DLG1: variants seen among roughly 807,000 people sequenced by gnomAD.
DLG1 encodes discs large MAGUK scaffold protein 1.
In DLG1, 42 loss-of-function variants were observed where a neutral mutation model predicts 123.4. The observed-to-expected ratio is 0.34, with a 90% CI of 0.27 to 0.44. The LOEUF is 0.44. Ranked by LOEUF, DLG1 falls within the 20% of genes least tolerant of loss-of-function variation. The pLI, the probability that DLG1 is intolerant of heterozygous loss-of-function variation, is 1.00. For missense variants in DLG1, 942 were observed against 1,082.6 expected (o/e 0.87, Z 1.82); for synonymous variants, 317 against 356.2 (o/e 0.89, Z 1.24).
At chr3:197,242,247 T>C (rs1749289686) in intron 4 of DLG1, among the ~76,000 whole-genome samples, 1 of 151,790 alleles carries the variant, frequency 6.6e-6, no homozygotes, top group Non-Finnish European at 1.5e-5. Context: ...AGCAAGAGGA[T>C]ATAACAATTA....
chr3:197,296,586 A>T (rs1777452404), intron 2 of DLG1, 109 bp from the exon 3 acceptor site: 1 of 945,660 alleles, frequency 1.1e-6, no homozygotes, highest in South Asian at 1.5e-5. Context: ...CAAATCCTTC[A>T]GGTCAATTGA....
chr3:197,218,793 T>G (rs137882195), intron 4 of DLG1, among the ~76,000 whole-genome samples: 5 of 152,312 alleles, frequency 3.3e-5, no homozygotes, highest in African/African-American at 1.2e-4. Flanking sequence ...AGACCTATAT[T>G]AATTCAAACA....
At chr3:197,098,330 C>T (rs1244501486) in intron 14 of DLG1, among the ~76,000 whole-genome samples, 1 of 152,122 alleles carries the variant, frequency 6.6e-6, no homozygotes, top group African/African-American at 2.4e-5. Context: ...AATTTAAAAG[C>T]TTTCTGTGTA....
Position 197,264,007 on chromosome 3 carries a change from T to C in DLG1, c.318+18672A>G, listed in dbSNP as rs146273780. Among the ~76,000 whole-genome samples the C allele has an allele frequency of 2.5e-3, 381 of 152,316 alleles. 2 individuals are homozygous for C. The highest frequency in any genetic ancestry group is 8.9e-3 in the African/African-American group (371 of 41,574). On this transcript the variant is annotated intron_variant, in intron 4 of 24. Coordinates refer to ENST00000667157, the MANE Select transcript of DLG1 (RefSeq NM_001366207.1). ...AAAAATAGAAGTTTGCCAACTCAAT[T>C]ACAAACCTGTAAGAATAAGATGAAA...
At chr3:197,251,866 G>A (rs1754601291) in intron 4 of DLG1, among the ~76,000 whole-genome samples, 1 of 152,140 alleles carries the variant, frequency 6.6e-6, no homozygotes, top group Admixed American at 6.5e-5. Flanking sequence ...TTTAAAATGG[G>A]CAAATGATCT....
intron 5 of DLG1, among the ~76,000 whole-genome samples, chr3:197,168,771 T>TA (rs1802631728): frequency 6.6e-6 from 1 of 152,080 alleles, no homozygotes; most frequent in African/African-American, 2.4e-5. Context: ...GTTGTTGTTT[T>TA]AAAAAAAATC....
intron 5 of DLG1, among the ~76,000 whole-genome samples, chr3:197,187,577 C>T (rs1358981740): frequency 1.3e-5 from 2 of 152,142 alleles, no homozygotes; most frequent in Non-Finnish European, 2.9e-5. Context: ...CATAATTTTC[C>T]TTGCCATTGA....
At chr3:197,087,112 A>G (rs989495289) in intron 15 of DLG1, among the ~76,000 whole-genome samples, 5 of 152,338 alleles carry the variant, frequency 3.3e-5, no homozygotes, top group South Asian at 4.1e-4. Context: ...AGTAATTCAC[A>G]TTCACCTGCG....
chr3:197,229,875 C>T lies in DLG1; in HGVS notation c.319-35286G>A, dbSNP rs532729622. On this transcript the variant is annotated intron_variant, in intron 4 of 24. Transcript: ENST00000667157. ...TAATCCAAATATGATCTACCTCTTA[C>T]GAGGTAAAAAGTATTATAACGTCCA... is the stretch of plus-strand genomic sequence containing the variant. 1.9e-3 allele frequency among the ~76,000 whole-genome samples: 282 copies of T among 152,252 alleles called. 2 individuals carry two copies. The highest frequency in any genetic ancestry group is 6.0e-3 in the African/African-American group (251 of 41,542).
chr3:197,155,807 G>T lies in DLG1; in HGVS notation c.484-6011C>A, dbSNP rs1796159315. ...AGCAACAACAACAAAAATTAACCAG[G>T]TGTGGTAGGCACATGCCTGTAGTCA... is the stretch of plus-strand genomic sequence containing the variant. On this transcript the variant is annotated intron_variant, in intron 5 of 24. Coordinates refer to ENST00000667157, the MANE Select transcript of DLG1 (RefSeq NM_001366207.1). 2.0e-5 allele frequency among the ~76,000 whole-genome samples: 3 copies of T among 152,046 alleles called. No individual in the cohort carries two copies. The South Asian group carries it at 6.2e-4, about 32-fold the overall frequency.
chr3:197,284,710 G>A, intron 3 of DLG1, among the ~76,000 whole-genome samples: 1 of 152,156 alleles, frequency 6.6e-6, no homozygotes, highest in East Asian at 1.9e-4. Flanking sequence ...AGCAAGAAGA[G>A]AAAACAAGAA....
At chr3:197,175,700 G>A (rs1806651335) in intron 5 of DLG1, among the ~76,000 whole-genome samples, 1 of 152,116 alleles carries the variant, frequency 6.6e-6, no homozygotes, top group African/African-American at 2.4e-5. Context: ...GGGATACCAA[G>A]GGAAAAAACC....
chr3:197,146,862 A>G (rs1791045141), intron 6 of DLG1, among the ~76,000 whole-genome samples: 1 of 152,342 alleles, frequency 6.6e-6, no homozygotes, highest in Admixed American at 6.5e-5. Flanking sequence ...CAGGCAACCT[A>G]CAGAGTGGGA....
intron 18 of DLG1, chr3:197,070,203 T>C (rs898033962): frequency 2.0e-5 from 3 of 151,994 alleles, no homozygotes; most frequent in Admixed American, 6.5e-5. Context: ...AATAAAACTT[T>C]CAATGAGACA....
At chr3:197,282,618 C>T (rs1352943700) in intron 4 of DLG1, 61 bp downstream of exon 4, 5 of 1,085,866 alleles carry the variant, frequency 4.6e-6, no homozygotes. Context: ...AATAAAGAAA[C>T]ATAGTAACAT....
At chr3:197,268,450 T>C (rs759163934) in intron 4 of DLG1, among the ~76,000 whole-genome samples, 9 of 152,108 alleles carry the variant, frequency 5.9e-5, no homozygotes, top group South Asian at 2.1e-4. Context: ...GACAGGGTCT[T>C]GATCCGTCGC....
chr3:197,278,471 T>G (rs1767618228), intron 4 of DLG1, among the ~76,000 whole-genome samples: 1 of 150,566 alleles, frequency 6.6e-6, no homozygotes, highest in South Asian at 2.1e-4. Flanking sequence ...ACACAGTTTC[T>G]AAAAAAACAA....
chr3:197,200,049 T>C (rs1286173903), intron 4 of DLG1, among the ~76,000 whole-genome samples: 2 of 152,182 alleles, frequency 1.3e-5, no homozygotes, highest in African/African-American at 4.8e-5. Context: ...TACTCACTAC[T>C]ATGACTTACA....
At chr3:197,161,126 T>C (rs1798599978) in intron 5 of DLG1, among the ~76,000 whole-genome samples, 3 of 152,336 alleles carry the variant, frequency 2.0e-5, no homozygotes, top group South Asian at 2.1e-4. Context: ...GTTGTGAAGA[T>C]AGCACAGAGC....
Sources: allele counts gnomAD v4.1 joint callset (sites outside exome capture counted in the v4.1 genomes callset), GRCh38; gene constraint gnomAD v4.1.1; transcripts MANE v1.5; gene names NCBI Gene and HGNC (gene_info 2026-07-23, HGNC 2026-07-21).